Variants in RYR2 observed in about 807,000 individuals in gnomAD.
RYR2 encodes ryanodine receptor 2.
In RYR2, 227 loss-of-function variants were observed where a neutral mutation model predicts 601.1. The observed-to-expected ratio is 0.38, with a 90% CI of 0.34 to 0.42. The LOEUF is 0.42. RYR2 is among the 10% of genes least tolerant of loss of function. The pLI is 1.00. For missense variants in RYR2, 4,646 were observed against 6,156.5 expected (o/e 0.75, Z 8.21); for synonymous variants, 2,223 against 2,175.1 (o/e 1.02, Z -0.61).
At chr1:237,698,159 A>T (rs1179397454) in intron 63 of RYR2, among the ~76,000 whole-genome samples, 2 of 146,740 alleles carry the variant, frequency 1.4e-5, no homozygotes, top group African/African-American at 5.1e-5. Flanking sequence ...TGTAATGAGG[A>T]ACTGATCATG....
intron 1 of RYR2, among the ~76,000 whole-genome samples, chr1:237,192,824 GTAAA>G (rs1252837635): frequency 6.6e-6 from 1 of 152,100 alleles, no homozygotes; most frequent in African/African-American, 2.4e-5. Flanking sequence ...ATTAATAGCA[GTAAA>G]TACTCATCAA....
chr1:237,701,557 T>G (rs1487951017), intron 65 of RYR2, among the ~76,000 whole-genome samples: 1 of 152,034 alleles, frequency 6.6e-6, no homozygotes, highest in Non-Finnish European at 1.5e-5. Context: ...TGCCTTTTGT[T>G]TAGTTATTTT....
intron 58 of RYR2, among the ~76,000 whole-genome samples, chr1:237,671,409 A>G (rs1684915320): frequency 6.6e-6 from 1 of 151,980 alleles, no homozygotes; most frequent in South Asian, 2.1e-4. Context: ...TATAGCCAAC[A>G]GTTGTAGGCA....
At chr1:237,474,937 A>G (rs550276312) in intron 17 of RYR2, among the ~76,000 whole-genome samples, 1 of 152,196 alleles carries the variant, frequency 6.6e-6, no homozygotes. Flanking sequence ...TTGCAGCTGA[A>G]CACCATGTTG....
At chr1:237,104,770 C>T (rs1054955604) in intron 1 of RYR2, among the ~76,000 whole-genome samples, 15 of 152,166 alleles carry the variant, frequency 9.9e-5, no homozygotes, top group Non-Finnish European at 1.9e-4. Context: ...CATCTCCCTA[C>T]GGATAGGAAA....
intron 76 of RYR2, among the ~76,000 whole-genome samples, chr1:237,728,172 G>A (rs955200326): frequency 6.6e-6 from 1 of 152,036 alleles, no homozygotes; most frequent in Admixed American, 6.6e-5. Context: ...AAGAGTTTGA[G>A]TGAATGTATA....
intron 27 of RYR2, 133 bp from the exon 28 acceptor site, chr1:237,566,434 T>C (rs1400956475): frequency 1.1e-6 from 1 of 881,672 alleles, no homozygotes; most frequent in Non-Finnish European, 1.7e-6. Flanking sequence ...GATAAGAAGG[T>C]ATCATTATCA....
At chr1:237,154,280 C>T (rs1675064138) in intron 1 of RYR2, among the ~76,000 whole-genome samples, 1 of 152,180 alleles carries the variant, frequency 6.6e-6, no homozygotes, top group Non-Finnish European at 1.5e-5. Context: ...TATGATGACA[C>T]AAATAAGAGG....
chr1:237,192,895 T>A (rs1442584926), intron 1 of RYR2, among the ~76,000 whole-genome samples: 1 of 152,168 alleles, frequency 6.6e-6, no homozygotes, highest in Non-Finnish European at 1.5e-5. Flanking sequence ...TATTTGATGT[T>A]ATTTAGAATC....
At chr1:237,295,574 T>A (rs997865281) in intron 2 of RYR2, among the ~76,000 whole-genome samples, 1 of 152,214 alleles carries the variant, frequency 6.6e-6, no homozygotes, top group Non-Finnish European at 1.5e-5. Context: ...CAATTCAGAA[T>A]GTATAATTAA....
chr1:237,568,445 G>A (rs2805393), intron 28 of RYR2, among the ~76,000 whole-genome samples: 88,622 of 151,990 alleles, frequency 0.58, 28,454 homozygotes, highest in Non-Finnish European at 0.71. Flanking sequence ...CAAAAGTCAC[G>A]TTTATCAAAA....
chr1:237,274,125 G>T (rs988911275), intron 2 of RYR2, among the ~76,000 whole-genome samples: 1 of 144,790 alleles, frequency 6.9e-6, no homozygotes. Flanking sequence ...TGATATGTAG[G>T]TATTACATAT....
intron 1 of RYR2, among the ~76,000 whole-genome samples, chr1:237,198,440 A>ATTTTTTT (rs145357805): frequency 7.5e-6 from 1 of 132,904 alleles, no homozygotes; most frequent in African/African-American, 2.8e-5. Context: ...TGTTTCCTTG[A>ATTTTTTT]TTTTTTTTTT....
intron 1 of RYR2, among the ~76,000 whole-genome samples, chr1:237,229,392 G>T (rs1036787710): frequency 6.6e-6 from 1 of 152,166 alleles, no homozygotes; most frequent in African/African-American, 2.4e-5. Context: ...TTACTTGAAT[G>T]AAGGACGTCG....
intron 1 of RYR2, among the ~76,000 whole-genome samples, chr1:237,045,617 A>T (rs1436557472): frequency 6.6e-6 from 1 of 152,224 alleles, no homozygotes; most frequent in Non-Finnish European, 1.5e-5. Flanking sequence ...CTATCATAAA[A>T]TAAGCTGTCA....
At chr1:237,543,709 C>A (rs1669529595) in intron 25 of RYR2, among the ~76,000 whole-genome samples, 1 of 152,016 alleles carries the variant, frequency 6.6e-6, no homozygotes, top group Admixed American at 6.5e-5. Context: ...GTGGGGGTGG[C>A]TTAAAAAAAA....
At chr1:237,137,467 C>T (rs73117634) in intron 1 of RYR2, among the ~76,000 whole-genome samples, 6,608 of 152,218 alleles carry the variant, frequency 0.043, 456 homozygotes, top group African/African-American at 0.15. Flanking sequence ...GAAGAACAGG[C>T]GTGAACCTGA....
rs574978938 is a variant in RYR2, at chr1:237,470,500, G to A, written c.1708+1313G>A. The stretch of plus-strand genomic sequence containing the variant: ...AAAATTTGAGTCATAGTGAGTTCTT[G>A]GGCACTGCTAGATCGTTGGGCAGCA... On this transcript the variant is annotated intron_variant, in intron 17 of 104. Coordinates refer to ENST00000366574, the MANE Select transcript of RYR2 (RefSeq NM_001035.3). 1.2e-4 allele frequency among the ~76,000 whole-genome samples: 19 copies of A among 152,180 alleles called. No individual in the cohort carries two copies. The South Asian group carries it at 3.9e-3, about 32-fold the overall frequency.
At chr1:237,605,157 G>A (rs950235606) in intron 35 of RYR2, among the ~76,000 whole-genome samples, 6 of 152,166 alleles carry the variant, frequency 3.9e-5, no homozygotes, top group East Asian at 1.9e-4. Context: ...GATGAACATC[G>A]ATGCAAAAAT....
Sources: allele counts gnomAD v4.1 joint callset (sites outside exome capture counted in the v4.1 genomes callset), GRCh38; gene constraint gnomAD v4.1.1; transcripts MANE v1.5; gene names NCBI Gene and HGNC (gene_info 2026-07-23, HGNC 2026-07-21).